Variants in TAFA1 observed in about 807,000 individuals in gnomAD.
TAFA1 encodes the protein chemokine-like protein TAFA-1.
Under a neutral mutation model 18.5 loss-of-function variants are expected in TAFA1, and 4 were observed. The observed-to-expected ratio is 0.22, with a 90% confidence interval of 0.11 to 0.49. The LOEUF is 0.49. Among genes scored for constraint, TAFA1 ranks in the 20% least tolerant of loss-of-function variants. The probability of loss-of-function intolerance (pLI) is 0.98; values close to 1 mark genes in which losing one functional copy is unlikely to be tolerated. For missense variants in TAFA1, 147 were observed against 169.0 expected (o/e 0.87, Z 0.72); for synonymous variants, 56 against 55.2 (o/e 1.01, Z -0.06).
chr3:68,534,962 C>CA lies in TAFA1; in HGVS notation c.260-3790dup, dbSNP rs534361846. The stretch of plus-strand genomic sequence containing the variant: ...CTAGCTTCTGTGAAAAAAAGGGTGA[C>CA]AAAATGCTAAGTTGAAGGGTTGTTG... On this transcript the variant is annotated intron_variant, in intron 3 of 4. Coordinates refer to ENST00000478136, the MANE Select transcript of TAFA1 (RefSeq NM_213609.4). Among the ~76,000 whole-genome samples, 12 of 152,064 alleles carry CA rather than the reference C, an allele frequency of 7.9e-5. 1 individual carries two copies. The South Asian group carries it at 2.5e-3, about 32-fold the overall frequency.
intron 2 of TAFA1, among the ~76,000 whole-genome samples, chr3:68,378,868 A>G (rs1298801945): frequency 6.6e-6 from 1 of 152,164 alleles, no homozygotes; most frequent in Non-Finnish European, 1.5e-5. Flanking sequence ...CACCATGTGA[A>G]GAAGGTCCTT....
intron 2 of TAFA1, among the ~76,000 whole-genome samples, chr3:68,147,395 T>C (rs1575644916): frequency 6.6e-6 from 1 of 151,580 alleles, no homozygotes; most frequent in East Asian, 1.9e-4. Context: ...CTGCAAAATA[T>C]CCCCCCCTCC....
Position 68,309,944 on chromosome 3 carries a change from T to A in TAFA1, c.119-107336T>A, listed in dbSNP as rs184764552. Among the ~76,000 whole-genome samples, 26 of 152,356 alleles carry A rather than the reference T, an allele frequency of 1.7e-4. No individual in the cohort carries two copies. In the East Asian group the frequency reaches 2.5e-3, roughly 15 times the overall value. On this transcript the variant is annotated intron_variant, in intron 2 of 4. Coordinates refer to ENST00000478136, the MANE Select transcript of TAFA1 (RefSeq NM_213609.4). ...TTGCTTCCCCAGTAGTAAAGACTAC[T>A]GCCAGCCCACATGGCACTTTTGTGC... is the stretch of plus-strand genomic sequence containing the variant.
chr3:68,306,289 G>A (rs1162146157), intron 2 of TAFA1, among the ~76,000 whole-genome samples: 2 of 152,114 alleles, frequency 1.3e-5, no homozygotes, highest in Non-Finnish European at 2.9e-5. Context: ...TCTTTATTGG[G>A]TGGGATTTTT....
intron 2 of TAFA1, among the ~76,000 whole-genome samples, chr3:68,174,670 T>A (rs186046478): frequency 5.3e-5 from 8 of 152,276 alleles, no homozygotes; most frequent in Admixed American, 5.2e-4. Context: ...TTGGGTGTTG[T>A]TAAAGGCATT....
chr3:68,534,679 C>T (rs145521595), intron 3 of TAFA1, among the ~76,000 whole-genome samples: 110 of 152,198 alleles, frequency 7.2e-4, no homozygotes, highest in African/African-American at 2.5e-3. Context: ...CCCTATGAAC[C>T]AGTGGATCTT....
At chr3:68,532,425 T>C (rs1406936395) in intron 3 of TAFA1, among the ~76,000 whole-genome samples, 1 of 152,132 alleles carries the variant, frequency 6.6e-6, no homozygotes, top group Non-Finnish European at 1.5e-5. Flanking sequence ...ATTGAGTCTT[T>C]TTTTCGGAGG....
chr3:68,165,665 T>G (rs1274895953), intron 2 of TAFA1, among the ~76,000 whole-genome samples: 1 of 152,244 alleles, frequency 6.6e-6, no homozygotes, highest in African/African-American at 2.4e-5. Flanking sequence ...CCTGTTTATT[T>G]AACAAATATT....
At position 68,294,693 on chromosome 3, in the gene TAFA1, T is replaced by A. The variant is rs117190805; in HGVS notation, c.119-122587T>A. Among the ~76,000 whole-genome samples, 72 of 152,138 alleles carry A rather than the reference T, an allele frequency of 4.7e-4. 1 individual carries two copies. The East Asian group carries it at 0.013, about 28-fold the overall frequency. ...TGAGCCCAGGAGTTCGAGACCAGCC[T>A]GGGCATGATGAAAGCCCACCTCTAC... On this transcript the variant is annotated intron_variant, in intron 2 of 4. Transcript: ENST00000478136.
intron 3 of TAFA1, among the ~76,000 whole-genome samples, chr3:68,510,031 A>G (rs1230340483): frequency 1.3e-5 from 2 of 152,066 alleles, no homozygotes; most frequent in Non-Finnish European, 2.9e-5. Context: ...TGCCATTATC[A>G]TGGCTTATCA....
chr3:68,087,645 T>A (rs775011909), intron 2 of TAFA1, among the ~76,000 whole-genome samples: 1 of 151,212 alleles, frequency 6.6e-6, no homozygotes, highest in South Asian at 2.1e-4. Flanking sequence ...TTTCCTTTCT[T>A]CCCTTTGTCC....
intron 2 of TAFA1, among the ~76,000 whole-genome samples, chr3:68,016,607 C>A (rs1216345042): frequency 6.6e-6 from 1 of 152,142 alleles, no homozygotes; most frequent in Non-Finnish European, 1.5e-5. Context: ...TAGTCTATCT[C>A]ATCTAGGTCT....
At chr3:68,175,637 G>A (rs556545591) in intron 2 of TAFA1, among the ~76,000 whole-genome samples, 1 of 152,306 alleles carries the variant, frequency 6.6e-6, no homozygotes, top group East Asian at 1.9e-4. Flanking sequence ...TTTACCTGCT[G>A]TATCTAGAAA....
At chr3:68,337,288 G>A (rs2068988328) in intron 2 of TAFA1, among the ~76,000 whole-genome samples, 2 of 152,134 alleles carry the variant, frequency 1.3e-5, no homozygotes, top group African/African-American at 4.8e-5. Flanking sequence ...AGGAGGAAGA[G>A]AGAGAATGGG....
At chr3:68,214,654 A>G (rs1277345268) in intron 2 of TAFA1, among the ~76,000 whole-genome samples, 1 of 152,036 alleles carries the variant, frequency 6.6e-6, no homozygotes, top group Non-Finnish European at 1.5e-5. Flanking sequence ...TAATAATAAT[A>G]AATGAGGTTA....
At chr3:68,451,951 C>G (rs2071572635) in intron 3 of TAFA1, among the ~76,000 whole-genome samples, 1 of 152,122 alleles carries the variant, frequency 6.6e-6, no homozygotes. Flanking sequence ...TGGAGGTTTT[C>G]CTGGACACTG....
intron 2 of TAFA1, among the ~76,000 whole-genome samples, chr3:68,145,937 C>A (rs1052892505): frequency 6.6e-6 from 1 of 152,098 alleles, no homozygotes; most frequent in African/African-American, 2.4e-5. Flanking sequence ...TTACACAACC[C>A]GGGGGACATG....
Position 68,525,821 on chromosome 3 carries a change from G to A in TAFA1, c.260-12935G>A, listed in dbSNP as rs139144156. 2.6e-3 allele frequency among the ~76,000 whole-genome samples: 389 copies of A among 152,030 alleles called. 2 individuals are homozygous for A. The highest frequency in any genetic ancestry group is 8.7e-3 in the African/African-American group (362 of 41,480). On this transcript the variant is annotated intron_variant, in intron 3 of 4. Coordinates refer to ENST00000478136, the MANE Select transcript of TAFA1 (RefSeq NM_213609.4). ...CCCTAGAGACTGCAAGAGCACAATG[G>A]TATTATATCCTGTTATTCTCTCTCT...
intron 2 of TAFA1, among the ~76,000 whole-genome samples, chr3:68,067,982 G>T (rs530826459): frequency 6.6e-6 from 1 of 152,180 alleles, no homozygotes; most frequent in African/African-American, 2.4e-5. Flanking sequence ...CAAAAAAAAA[G>T]TTACTGTCGG....
Sources: gnomAD v4.1 joint callset for allele counts (sites outside exome capture counted in the v4.1 genomes callset) on GRCh38, gnomAD v4.1.1 for gene constraint, MANE v1.5 for transcripts, NCBI Gene and HGNC (gene_info 2026-07-23, HGNC 2026-07-21) for gene names.